The following C2orf80 variants were observed in gnomAD, a reference collection of about 807,000 sequenced individuals.
C2orf80 encodes uncharacterized protein C2orf80.
Under a neutral mutation model 30.2 loss-of-function variants are expected in C2orf80, and 28 were observed. The observed-to-expected ratio is 0.93, with a 90% CI of 0.69 to 1.27. The LOEUF is 1.27. Among genes scored for constraint, C2orf80 ranks in the 50% most tolerant of loss-of-function variants. The probability of loss-of-function intolerance (pLI) is 0.00; values close to 1 mark genes in which losing one functional copy is unlikely to be tolerated. For missense variants in C2orf80, 220 were observed against 231.0 expected (o/e 0.95, Z 0.31); for synonymous variants, 80 against 76.4 (o/e 1.05, Z -0.24).
chr2:208,184,084 G>A (rs771618213), intron 3 of C2orf80, among the ~76,000 whole-genome samples: 1 of 152,188 alleles, frequency 6.6e-6, no homozygotes, highest in Non-Finnish European at 1.5e-5. Flanking sequence ...GGAAGAATGG[G>A]ACCATGACCA....
intron 6 of C2orf80, among the ~76,000 whole-genome samples, chr2:208,172,752 G>A (rs531320139): frequency 2.0e-4 from 31 of 152,174 alleles, no homozygotes; most frequent in Non-Finnish European, 3.4e-4. Flanking sequence ...TATACCCATG[G>A]CTTAGCAATT....
At chr2:208,182,821 G>T in intron 4 of C2orf80, 144 bp downstream of exon 4, 1 of 723,656 alleles carries the variant, frequency 1.4e-6, no homozygotes, top group African/African-American at 1.7e-5. Flanking sequence ...GGTTCCTCAG[G>T]TGTCTCGTTG....
At chr2:208,173,428 T>C (rs893993621) in intron 6 of C2orf80, among the ~76,000 whole-genome samples, 3 of 152,016 alleles carry the variant, frequency 2.0e-5, no homozygotes, top group Non-Finnish European at 2.9e-5. Context: ...ATCGAAACTA[T>C]CCTGGATAAC....
chr2:208,183,902 TA>T (rs1474473892), intron 3 of C2orf80, among the ~76,000 whole-genome samples: 1 of 152,242 alleles, frequency 6.6e-6, no homozygotes, highest in African/African-American at 2.4e-5. Flanking sequence ...ACCATTTGTC[TA>T]TCAAAATATT....
At chr2:208,179,459 G>A (rs564630295) in intron 6 of C2orf80, among the ~76,000 whole-genome samples, 55 of 152,308 alleles carry the variant, frequency 3.6e-4, no homozygotes, top group Non-Finnish European at 4.9e-4. Flanking sequence ...GGTGGGGGCA[G>A]GGAAAGCCAC....
intron 8 of C2orf80, among the ~76,000 whole-genome samples, chr2:208,167,668 C>T (rs1695943387): frequency 6.6e-6 from 1 of 152,018 alleles, no homozygotes; most frequent in South Asian, 2.1e-4. Context: ...CCTCTGCCTC[C>T]TGGGTTCAAG....
At chr2:208,168,426 C>T (rs1006197570) in intron 8 of C2orf80, 9 of 256,342 alleles carry the variant, frequency 3.5e-5, no homozygotes, top group Non-Finnish European at 6.1e-5. Context: ...GTAATCCCAG[C>T]GCTTTGGGAG....
intron 8 of C2orf80, among the ~76,000 whole-genome samples, chr2:208,167,267 T>C (rs557265040): frequency 4.3e-4 from 65 of 151,910 alleles, no homozygotes; most frequent in Non-Finnish European, 7.1e-4. Context: ...CTCATGCCTG[T>C]AATTCCAGCA....
At position 208,180,741 on chromosome 2, in the gene C2orf80, T is replaced by G. The variant is rs1254086562; in HGVS notation, c.366+4A>C. On this transcript the variant is annotated splice_donor_region_variant and intron_variant, in intron 6 of 8. Transcript: ENST00000341287. ...TTCTATTGACAATCCCAGGTCACCC[T>G]TACCTTGATGGTACCAGAATCGGCA... The G allele has an allele frequency of 6.2e-7, 1 of 1,612,336 alleles. No individual in the cohort carries two copies. Among genetic ancestry groups the G allele is most frequent in the East Asian group, 2.2e-5 (1 of 44,834 alleles).
At position 208,171,056 on chromosome 2, in the gene C2orf80, C is replaced by G. The variant is rs754496556; in HGVS notation, c.462G>C (p.Lys154Asn). ...TTTTATTTGTTGTTACCTTTCTTGA[C>G]TTGACACCTACAGACAGATGCAGTA... is the stretch of plus-strand genomic sequence containing the variant. ...AAAYARKQSV[K>N]SRKVTTNKNA... is the part of the protein sequence containing the mutation. The change falls in exon 8 of 9, where the codon AAG (lysine) becomes AAC (asparagine). Residue 154 changes from lysine (K) to asparagine (N), a missense_variant. By Grantham distance (94) the Lys-to-Asn change is moderately conservative. Transcript: ENST00000341287. The G allele has an allele frequency of 1.9e-6, 3 of 1,611,774 alleles. No individual in the cohort carries two copies. The highest frequency in any genetic ancestry group is 2.5e-6 in the Non-Finnish European group (3 of 1,177,954).
At chr2:208,187,085 T>C in intron 1 of C2orf80, 24 bp from the exon 2 acceptor site, 1 of 1,120,014 alleles carries the variant, frequency 8.9e-7, no homozygotes, top group Non-Finnish European at 1.4e-6. Flanking sequence ...TCAGAGAGAA[T>C]ATGAGTTAGG....
intron 8 of C2orf80, among the ~76,000 whole-genome samples, 176 bp from the exon 9 acceptor site, chr2:208,165,991 A>T (rs1203668547): frequency 6.6e-6 from 1 of 152,210 alleles, no homozygotes; most frequent in Non-Finnish European, 1.5e-5. Context: ...ATATATTTGG[A>T]AATTGAGTTA....
At chr2:208,181,060 T>C (rs1052349093) in intron 5 of C2orf80, among the ~76,000 whole-genome samples, 158 bp downstream of exon 5, 4 of 152,228 alleles carry the variant, frequency 2.6e-5, no homozygotes, top group African/African-American at 4.8e-5. Flanking sequence ...GTGTAGAAGT[T>C]AGTCTTTTTA....
At chr2:208,178,406 G>A (rs927079043) in intron 6 of C2orf80, among the ~76,000 whole-genome samples, 2 of 152,108 alleles carry the variant, frequency 1.3e-5, no homozygotes, top group Non-Finnish European at 2.9e-5. Context: ...CTGAGGGGTA[G>A]GGGAAAAGGA....
At position 208,180,764 on chromosome 2, in the gene C2orf80, G is replaced by T. The variant is rs963482652; in HGVS notation, c.347C>A (p.Ala116Asp). The change falls in exon 6 of 9, where the codon GCC becomes GAC. Residue 116 changes from alanine to aspartate, a missense_variant. Ala to Asp is a moderately radical substitution (Grantham distance 126). Transcript: ENST00000341287. The part of the protein sequence containing the change: ...VFKIYGADSS[A>D]DSGTIKVPRV... ...CCTTACCTTGATGGTACCAGAATCG[G>T]CAGAAGAATCAGCCCCATAAATTTT... 6.2e-7 allele frequency: 1 copy of T among 1,613,284 alleles called. No individual in the cohort carries two copies. Among genetic ancestry groups the T allele is most frequent in the African/African-American group, 1.3e-5 (1 of 74,874 alleles).
chr2:208,176,876 T>TA (rs1217952463), intron 6 of C2orf80, among the ~76,000 whole-genome samples: 2 of 116,518 alleles, frequency 1.7e-5, no homozygotes, highest in African/African-American at 6.7e-5. Context: ...TATATACATA[T>TA]GTATACATAG....
At chr2:208,178,332 G>A (rs1490874576) in intron 6 of C2orf80, among the ~76,000 whole-genome samples, 1 of 152,150 alleles carries the variant, frequency 6.6e-6, no homozygotes, top group Non-Finnish European at 1.5e-5. Context: ...GTACCAGAAG[G>A]TGACAGGGAG....
chr2:208,173,658 T>A (rs1387760942), intron 6 of C2orf80, among the ~76,000 whole-genome samples: 6 of 151,326 alleles, frequency 4.0e-5, no homozygotes, highest in African/African-American at 7.3e-5. Flanking sequence ...ACACCAAAAC[T>A]CAAAAAATGT....
Position 208,165,804 on chromosome 2 carries a change from T to A in C2orf80, c.*3A>T. On this transcript the variant is annotated 3_prime_UTR_variant, in exon 9 of 9. Coordinates refer to ENST00000341287, the MANE Select transcript of C2orf80 (RefSeq NM_001099334.3). The stretch of plus-strand genomic sequence containing the variant: ...TGAAGTTCCATGGTACAATTCCAAT[T>A]TTCTAAGTGACCTGCAGAATAAAAG... The A allele has an allele frequency of 1.2e-6, 2 of 1,611,050 alleles. No homozygotes were observed. Among genetic ancestry groups the A allele is most frequent in the Non-Finnish European group, 1.7e-6 (2 of 1,178,876 alleles).
Sources: allele counts gnomAD v4.1 joint callset (sites outside exome capture counted in the v4.1 genomes callset), GRCh38; gene constraint gnomAD v4.1.1; transcripts MANE v1.5; gene names NCBI Gene and HGNC (gene_info 2026-07-23, HGNC 2026-07-21).